The following ZNF333 variants were observed in gnomAD, a reference collection of about 807,000 sequenced individuals.
ZNF333 encodes the protein zinc finger protein 333.
Under a neutral mutation model 76.1 loss-of-function variants are expected in ZNF333, and 61 were observed. That is an observed-to-expected ratio of 0.80 (90% CI 0.65 to 0.99). The LOEUF (loss-of-function observed/expected upper bound fraction) is 0.99, where lower values mean the gene tolerates loss of function less well. Ranked by LOEUF, ZNF333 falls within the 50% of genes least tolerant of loss-of-function variation. The pLI is 0.00. For missense variants in ZNF333, 717 were observed against 822.4 expected (o/e 0.87, Z 1.57); for synonymous variants, 284 against 305.0 (o/e 0.93, Z 0.72).
rs1006383601 is a variant in ZNF333, at chr19:14,720,203, A to T, written c.*878A>T. Reference sequence around the variant, plus strand: ...TCTGTCTCAAAAATAATAATAATAAAAAAAAGCTTCCATCTCCCAGCCCTT... The same window carrying T: ...TCTGTCTCAAAAATAATAATAATAATAAAAAGCTTCCATCTCCCAGCCCTT... On this transcript the variant is annotated 3_prime_UTR_variant, in exon 12 of 12. Transcript: ENST00000292530. 59 of 984,182 alleles carry T rather than the reference A, an allele frequency of 6.0e-5. No individual in the cohort carries two copies. Among genetic ancestry groups the T allele is most frequent in the Middle Eastern group, 5.2e-4 (1 of 1,934 alleles). The allele number at this position is 984,182 out of a possible 1,614,324, so 61.0% of individuals were successfully genotyped here.
At chr19:14,702,839 C>T (rs1041819637) in intron 5 of ZNF333, among the ~76,000 whole-genome samples, 4 of 152,072 alleles carry the variant, frequency 2.6e-5, no homozygotes, top group East Asian at 1.9e-4. Flanking sequence ...CGGCAGGGGA[C>T]GCAAACACAT....
chr19:14,694,769 C>T, intron 2 of ZNF333, among the ~76,000 whole-genome samples: 1 of 152,120 alleles, frequency 6.6e-6, no homozygotes, highest in Non-Finnish European at 1.5e-5. Flanking sequence ...GCTTGGTGGC[C>T]CATGTGATCT....
chr19:14,694,720 T>C (rs1973045871), intron 2 of ZNF333, among the ~76,000 whole-genome samples: 1 of 146,678 alleles, frequency 6.8e-6, no homozygotes, highest in South Asian at 2.4e-4. Context: ...CTTTACACTT[T>C]AGGATTTATC....
chr19:14,695,485 G>T (rs1973111232), intron 3 of ZNF333, 81 bp from the exon 4 acceptor site: 6 of 1,318,584 alleles, frequency 4.6e-6, no homozygotes, highest in Non-Finnish European at 6.5e-6. Context: ...AGCTGAAGGA[G>T]AGTTTGAGTT....
intron 11 of ZNF333, 87 bp downstream of exon 11, chr19:14,717,820 A>G: frequency 7.3e-7 from 1 of 1,363,412 alleles, no homozygotes. Context: ...CCCAAGAGCC[A>G]AGAGCGATTC....
intron 5 of ZNF333, chr19:14,700,173 TTTTTTC>T (rs1973576660): frequency 6.6e-6 from 1 of 150,484 alleles, no homozygotes; most frequent in Non-Finnish European, 1.5e-5. Flanking sequence ...CCCAGCTAAT[TTTTTTC>T]TTTTTCTTTC....
rs1973130223 is a variant in ZNF333 at position 14,695,713 on chromosome 19, GC to G, written c.223+54del. On this transcript the variant is annotated intron_variant, in intron 4 of 11. Transcript: ENST00000292530. The stretch of plus-strand genomic sequence containing the variant: ...CCCGACCCCCCTGGTTGGGTGGTGT[GC>G]CTTGGGAAGTGTCAAGAGCATTTTC... 4 of 1,538,442 alleles carry G rather than the reference GC, an allele frequency of 2.6e-6. 1 individual carries two copies. Among genetic ancestry groups the G allele is most frequent in the Non-Finnish European group, 1.8e-6 (2 of 1,113,228 alleles).
At chr19:14,713,093 T>C (rs1323912923) in intron 7 of ZNF333, among the ~76,000 whole-genome samples, 3 of 152,166 alleles carry the variant, frequency 2.0e-5, no homozygotes, top group Non-Finnish European at 4.4e-5. Flanking sequence ...ATGTCAGTCA[T>C]CTACAGCAGG....
chr19:14,711,723 T>G (rs533092821), intron 7 of ZNF333, among the ~76,000 whole-genome samples: 1 of 152,286 alleles, frequency 6.6e-6, no homozygotes, highest in African/African-American at 2.4e-5. Context: ...GGTTCATGTA[T>G]TCATTTACCA....
chr19:14,704,125 A>G (rs1016025794), intron 5 of ZNF333, among the ~76,000 whole-genome samples: 14 of 151,926 alleles, frequency 9.2e-5, no homozygotes, highest in African/African-American at 3.1e-4. Context: ...ACCTTTCTAT[A>G]GTGAAATGTC....
chr19:14,733,110 C>T (rs2732798), exon 12 of ZNF333: 34,086 of 151,976 alleles, frequency 0.22, 4,057 homozygotes, highest in Non-Finnish European at 0.26. Context: ...GCAAAGGGCA[C>T]GCAGAATCCC....
At position 14,690,766 on chromosome 19, in the gene ZNF333, A is replaced by G. The variant is rs992382135; in HGVS notation, c.-42+616A>G. On this transcript the variant is annotated intron_variant, in intron 1 of 11. Coordinates refer to ENST00000292530, the MANE Select transcript of ZNF333 (RefSeq NM_032433.4). ...GGCTTTGCATCTCTTCCTTTTCCATAACTTTTTCTTTCTTCTTTTTTTTCT... is the reference window on the plus strand; with the variant it reads ...GGCTTTGCATCTCTTCCTTTTCCATGACTTTTTCTTTCTTCTTTTTTTTCT... Among the ~76,000 whole-genome samples the G allele has an allele frequency of 3.3e-5, 5 of 152,190 alleles. No individual in the cohort carries two copies. The South Asian group carries it at 1.0e-3, about 32-fold the overall frequency.
intron 7 of ZNF333, chr19:14,708,075 T>C: frequency 2.6e-6 from 1 of 388,512 alleles, no homozygotes; most frequent in Non-Finnish European, 4.6e-6. Context: ...TGGCACGATC[T>C]CGGCTCACTG....
rs746365953 is a variant in ZNF333, at chr19:14,718,956, G to T, written c.1629G>T (p.Leu543Phe). 3 of 1,612,802 alleles carry T rather than the reference G, an allele frequency of 1.9e-6. No homozygotes were observed. In the East Asian group the frequency reaches 6.7e-5, roughly 36 times the overall value. Reference sequence around the variant, plus strand: ...AGTGCGCGACTTGCGGTCAGGTCTTGAGTCGTCTTTCAACCCTGAAGAGTC... The same window carrying T: ...AGTGCGCGACTTGCGGTCAGGTCTTTAGTCGTCTTTCAACCCTGAAGAGTC... ...LYECATCGQV[L>F]SRLSTLKSHM... Residue 543 changes from leucine (L) to phenylalanine (F), a missense_variant, in exon 12 of 12, where the codon TTG (leucine) becomes TTT (phenylalanine). Coordinates refer to ENST00000292530, the MANE Select transcript of ZNF333 (RefSeq NM_032433.4).
At chr19:14,691,304 C>G (rs2146940402) in intron 1 of ZNF333, among the ~76,000 whole-genome samples, 1 of 152,242 alleles carries the variant, frequency 6.6e-6, no homozygotes, top group Non-Finnish European at 1.5e-5. Flanking sequence ...TGGCTCCAGT[C>G]CTTCCCCCAA....
chr19:14,716,932 C>T (rs1301515013), intron 9 of ZNF333, 62 bp from the exon 10 acceptor site: 20 of 1,442,080 alleles, frequency 1.4e-5, no homozygotes, highest in Middle Eastern at 1.7e-4. Context: ...TTGAGAATAT[C>T]GGCCCTGGTG....
Position 14,719,259 on chromosome 19 carries a change from G to A in ZNF333, c.1932G>A (p.Glu644=). The A allele has an allele frequency of 6.2e-7, 1 of 1,614,206 alleles. No individual in the cohort carries two copies. The highest frequency in any genetic ancestry group is 8.5e-7 in the Non-Finnish European group (1 of 1,180,032). The part of the protein sequence containing the change: ...TVHKRTHVGR[E]TIRNGSLPLS... ...ACAAAAGAACCCATGTGGGAAGAGA[G>A]ACCATTAGGAATGGCAGCCTGCCTT... The change falls in exon 12 of 12, where the codon GAG becomes GAA. Residue 644 remains glutamate, a synonymous_variant. Coordinates refer to ENST00000292530, the MANE Select transcript of ZNF333 (RefSeq NM_032433.4).
In ZNF333 at chr19:14,716,186, G is replaced by T. The variant is rs564478673; in HGVS notation, c.675G>T (p.Arg225Ser). The change falls in exon 9 of 12, where the codon AGG becomes AGT. Residue 225 changes from arginine to serine, a missense_variant. Physicochemically the swap from Arg to Ser is moderately radical, Grantham distance 110 (BLOSUM62 -1). Coordinates refer to ENST00000292530, the MANE Select transcript of ZNF333 (RefSeq NM_032433.4). ...GGGTGTTTCTGGACTCTACTCAGAGGAGCCTGTATAGAGATGTGATGCTGG... is the reference window on the plus strand; with the variant it reads ...GGGTGTTTCTGGACTCTACTCAGAGTAGCCTGTATAGAGATGTGATGCTGG... ...EEWVFLDSTQ[R>S]SLYRDVMLEN... 2 of 1,614,182 alleles carry T rather than the reference G, an allele frequency of 1.2e-6. No homozygotes were observed. Among genetic ancestry groups the T allele is most frequent in the African/African-American group, 2.7e-5 (2 of 75,042 alleles).
intron 7 of ZNF333, among the ~76,000 whole-genome samples, chr19:14,712,069 G>A (rs540730209): frequency 1.3e-5 from 2 of 152,026 alleles, no homozygotes; most frequent in African/African-American, 4.8e-5. Flanking sequence ...GGTGAGTACC[G>A]CCATGTAGAG....
Sources: allele counts gnomAD v4.1 joint callset (sites outside exome capture counted in the v4.1 genomes callset), GRCh38; gene constraint gnomAD v4.1.1; transcripts MANE v1.5; gene names NCBI Gene and HGNC (gene_info 2026-07-23, HGNC 2026-07-21).